The following HECW1 variants were observed in gnomAD, a reference collection of about 807,000 sequenced individuals.
The protein encoded by HECW1 is E3 ubiquitin-protein ligase HECW1.
HECW1 carries 61 observed loss-of-function variants against 182.3 expected under a neutral mutation model. The observed-to-expected ratio is 0.33, with a 90% CI of 0.27 to 0.41. HECW1 has a LOEUF of 0.41. Ranked by LOEUF, HECW1 falls within the 10% of genes least tolerant of loss-of-function variation. HECW1 has a pLI of 1.00. For synonymous variants in HECW1, 859 were observed against 832.6 expected (o/e 1.03, Z -0.55); for missense variants, 1,739 against 2,108.9 (o/e 0.82, Z 3.44).
rs547513681 is a variant in HECW1, at chr7:43,308,173, AT to A, written c.28-3585del. Among the ~76,000 whole-genome samples the A allele has an allele frequency of 3.2e-4, 34 of 105,992 alleles. No individual in the cohort carries two copies. In the South Asian group the frequency reaches 5.1e-3, roughly 16 times the overall value. The allele number at this position is 105,992 out of a possible 152,430, so 69.5% of individuals were successfully genotyped here. Reference sequence around the variant, plus strand: ...TATATTATATATTTATATATAATATATTTTTATATATTATAATATATTTATA... The same window carrying A: ...TATATTATATATTTATATATAATATATTTTATATATTATAATATATTTATA... On this transcript the variant is annotated intron_variant, in intron 3 of 29. Coordinates refer to ENST00000395891, the MANE Select transcript of HECW1 (RefSeq NM_015052.5).
chr7:43,328,176 T>C (rs1289152225), intron 5 of HECW1, among the ~76,000 whole-genome samples: 1 of 151,960 alleles, frequency 6.6e-6, no homozygotes, highest in African/African-American at 2.4e-5. Context: ...AATTTAAAAA[T>C]GTTAGCTCTG....
intron 2 of HECW1, among the ~76,000 whole-genome samples, chr7:43,170,191 A>C (rs1299315073): frequency 6.6e-6 from 1 of 152,192 alleles, no homozygotes; most frequent in Non-Finnish European, 1.5e-5. Context: ...CAAGGGATCT[A>C]GGTTGTGGGC....
intron 7 of HECW1, among the ~76,000 whole-genome samples, chr7:43,405,038 T>C (rs2075559598): frequency 6.6e-6 from 1 of 152,112 alleles, no homozygotes; most frequent in Admixed American, 6.5e-5. Flanking sequence ...GGTTCAAATC[T>C]CATCTCTGAT....
chr7:43,122,844 C>T (rs189803579), intron 2 of HECW1, among the ~76,000 whole-genome samples: 2 of 152,318 alleles, frequency 1.3e-5, no homozygotes, highest in Non-Finnish European at 2.9e-5. Flanking sequence ...ACTACATACA[C>T]ATAACATATA....
intron 2 of HECW1, among the ~76,000 whole-genome samples, chr7:43,224,978 T>G (rs1412716120): frequency 6.6e-6 from 1 of 152,170 alleles, no homozygotes; most frequent in Non-Finnish European, 1.5e-5. Context: ...TGAGTTTGTA[T>G]TCATCCTGCA....
At chr7:43,513,529 G>C (rs567550575) in intron 24 of HECW1, among the ~76,000 whole-genome samples, 2 of 152,354 alleles carry the variant, frequency 1.3e-5, no homozygotes, top group African/African-American at 4.8e-5. Context: ...AATAGAGCCA[G>C]CTTAATCAAA....
rs77592808 is a variant in HECW1 at position 43,473,646 on chromosome 7, G to A, written c.3099+4541G>A. Among the ~76,000 whole-genome samples the A allele has an allele frequency of 1.8e-3, 281 of 152,114 alleles. 5 individuals carry two copies. The highest frequency in any genetic ancestry group is 0.014 in the East Asian group (71 of 5,180). On this transcript the variant is annotated intron_variant, in intron 16 of 29. Coordinates refer to ENST00000395891, the MANE Select transcript of HECW1 (RefSeq NM_015052.5). ...GGAATAAAAAAAAAAAAGTAAGGAAGTGAGAATAGGGAAGATGAGCAGGGG... is the reference window on the plus strand; with the variant it reads ...GGAATAAAAAAAAAAAAGTAAGGAAATGAGAATAGGGAAGATGAGCAGGGG...
At chr7:43,338,020 C>T (rs961801149) in intron 5 of HECW1, among the ~76,000 whole-genome samples, 1 of 152,182 alleles carries the variant, frequency 6.6e-6, no homozygotes, top group East Asian at 1.9e-4. Context: ...TGCCAGAGAG[C>T]TAAAACTGGT....
At chr7:43,298,627 C>T (rs1806334774) in intron 3 of HECW1, among the ~76,000 whole-genome samples, 1 of 152,226 alleles carries the variant, frequency 6.6e-6, no homozygotes. Context: ...GTAGCATGTA[C>T]CTGTGGCTCT....
At chr7:43,200,887 T>C (rs915640463) in intron 2 of HECW1, among the ~76,000 whole-genome samples, 1 of 152,190 alleles carries the variant, frequency 6.6e-6, no homozygotes, top group Non-Finnish European at 1.5e-5. Flanking sequence ...GCCAGCAAGA[T>C]GGGAAACCTT....
intron 3 of HECW1, among the ~76,000 whole-genome samples, chr7:43,297,632 A>C (rs1806210335): frequency 1.3e-5 from 2 of 152,198 alleles, no homozygotes; most frequent in Non-Finnish European, 2.9e-5. Flanking sequence ...ATTACTGCCC[A>C]GATTTTGATG....
chr7:43,369,448 G>A (rs1048230022), intron 6 of HECW1, among the ~76,000 whole-genome samples: 5 of 152,074 alleles, frequency 3.3e-5, no homozygotes, highest in African/African-American at 9.7e-5. Flanking sequence ...ACAAGAGTGA[G>A]CGAAACTCCG....
chr7:43,512,026 T>C, intron 24 of HECW1: 1 of 214,424 alleles, frequency 4.7e-6, no homozygotes, highest in Non-Finnish European at 9.4e-6. Context: ...GGCTGCCTCT[T>C]AACTGCCCAC....
rs554668603 is a variant in HECW1 at position 43,501,842 on chromosome 7, A to AAAAG, written c.3631+536_3631+539dup. ...AGAGTCCCTATCTAAAAAAAAATAA[A>AAAAG]AAAGAAAGAAAGAAAGAAAAGAAAA... On this transcript the variant is annotated intron_variant, in intron 21 of 29. Transcript: ENST00000395891. Among the ~76,000 whole-genome samples, 14 of 152,176 alleles carry AAAAG rather than the reference A, an allele frequency of 9.2e-5. No individual in the cohort carries two copies. In the East Asian group the frequency reaches 1.7e-3, roughly 19 times the overall value.
chr7:43,144,701 G>A (rs1583675356), intron 2 of HECW1, among the ~76,000 whole-genome samples: 1 of 151,974 alleles, frequency 6.6e-6, no homozygotes, highest in Non-Finnish European at 1.5e-5. Flanking sequence ...ATTTTCTAGA[G>A]CACTTTCTTA....
chr7:43,266,301 T>C (rs1801787891), intron 3 of HECW1, among the ~76,000 whole-genome samples: 1 of 152,098 alleles, frequency 6.6e-6, no homozygotes, highest in African/African-American at 2.4e-5. Context: ...CAAAAGACAC[T>C]TCTCTCACTC....
intron 8 of HECW1, among the ~76,000 whole-genome samples, chr7:43,420,533 CTG>C (rs1562956967): frequency 6.6e-6 from 1 of 152,138 alleles, no homozygotes; most frequent in African/African-American, 2.4e-5. Context: ...GGACACAAAA[CTG>C]TCTGTATTTT....
At chr7:43,417,894 C>T (rs1185722538) in intron 8 of HECW1, among the ~76,000 whole-genome samples, 1 of 152,028 alleles carries the variant, frequency 6.6e-6, no homozygotes, top group African/African-American at 2.4e-5. Context: ...TATTAGTTTC[C>T]TAGAGCTGTC....
chr7:43,227,591 C>T (rs1045366415), intron 2 of HECW1, among the ~76,000 whole-genome samples: 5 of 152,078 alleles, frequency 3.3e-5, no homozygotes, highest in African/African-American at 9.7e-5. Flanking sequence ...TATGTTAATT[C>T]ATATATAGTT....
Sources: allele counts gnomAD v4.1 joint callset (sites outside exome capture counted in the v4.1 genomes callset), GRCh38; gene constraint gnomAD v4.1.1; transcripts MANE v1.5; gene names NCBI Gene and HGNC (gene_info 2026-07-23, HGNC 2026-07-21).